Variants in WASF1 observed in about 807,000 individuals in gnomAD.
The protein encoded by WASF1 is actin-binding protein WASF1.
Under a neutral mutation model 50.5 loss-of-function variants are expected in WASF1, and 7 were observed. That is an observed-to-expected ratio of 0.14 (90% CI 0.08 to 0.26). WASF1 has a LOEUF of 0.26. Ranked by LOEUF, WASF1 falls within the 10% of genes least tolerant of loss-of-function variation. The pLI, the probability that WASF1 is intolerant of heterozygous loss-of-function variation, is 1.00. For synonymous variants in WASF1, 205 were observed against 244.0 expected (o/e 0.84, Z 1.49); for missense variants, 470 against 694.7 (o/e 0.68, Z 3.64).
chr6:110,173,122 A>G (rs1776785699), intron 2 of WASF1, among the ~76,000 whole-genome samples: 1 of 152,150 alleles, frequency 6.6e-6, no homozygotes, highest in Non-Finnish European at 1.5e-5. Flanking sequence ...CTTTTGTAGC[A>G]TAAGGTGAAA....
chr6:110,146,933 A>C (rs1412598534), intron 3 of WASF1, among the ~76,000 whole-genome samples: 1 of 152,192 alleles, frequency 6.6e-6, no homozygotes, highest in Non-Finnish European at 1.5e-5. Flanking sequence ...CACAGGACTA[A>C]AGAACTAGTC....
chr6:110,135,748 C>A (rs563963072), intron 3 of WASF1, among the ~76,000 whole-genome samples: 4,722 of 94,610 alleles, frequency 0.05, 160 homozygotes, highest in African/African-American at 0.087. Context: ...TTTTTTTTTA[C>A]CAATTACTGG....
intron 4 of WASF1, among the ~76,000 whole-genome samples, chr6:110,116,125 C>T (rs946409862): frequency 2.0e-5 from 3 of 152,146 alleles, no homozygotes; most frequent in Non-Finnish European, 4.4e-5. Flanking sequence ...ATGCAGAAGA[C>T]GGGTGATTTC....
At chr6:110,176,558 TATA>T (rs1446856852) in intron 2 of WASF1, among the ~76,000 whole-genome samples, 1 of 152,108 alleles carries the variant, frequency 6.6e-6, no homozygotes, top group Non-Finnish European at 1.5e-5. Flanking sequence ...TTTCATTAAT[TATA>T]ATGTTTGATA....
chr6:110,151,503 A>G (rs556485744), intron 3 of WASF1, among the ~76,000 whole-genome samples: 1 of 152,354 alleles, frequency 6.6e-6, no homozygotes, highest in African/African-American at 2.4e-5. Context: ...ATTCTGTAAT[A>G]TAAGAATTCT....
chr6:110,161,939 AC>A (rs1690322222), intron 2 of WASF1, among the ~76,000 whole-genome samples: 1 of 151,474 alleles, frequency 6.6e-6, no homozygotes, highest in African/African-American at 2.4e-5. Flanking sequence ...CTAACACAAA[AC>A]AAAATGGAGG....
At chr6:110,124,225 TCCTCTCTCTC>T (rs1260681245) in intron 4 of WASF1, among the ~76,000 whole-genome samples, 12 of 49,794 alleles carry the variant, frequency 2.4e-4, no homozygotes, top group African/African-American at 5.6e-4. Flanking sequence ...CTCCTCTCTC[TCCTCTCTCTC>T]CTCTCTCTCT....
At chr6:110,126,851 C>T (rs1041482173) in intron 4 of WASF1, among the ~76,000 whole-genome samples, 4 of 152,198 alleles carry the variant, frequency 2.6e-5, no homozygotes, top group Admixed American at 6.6e-5. Flanking sequence ...TCTCCCTAAT[C>T]TGCCTCTTTC....
intron 3 of WASF1, among the ~76,000 whole-genome samples, chr6:110,136,212 C>T (rs1162188305): frequency 6.6e-6 from 1 of 152,068 alleles, no homozygotes. Context: ...AATGTAATGT[C>T]CTTGAAAAGT....
intron 3 of WASF1, among the ~76,000 whole-genome samples, chr6:110,128,460 C>G (rs1260708903): frequency 6.6e-6 from 1 of 152,158 alleles, no homozygotes; most frequent in Non-Finnish European, 1.5e-5. Context: ...AAGCTCAGAT[C>G]AAATACTCCA....
chr6:110,115,199 T>A (rs147505580), intron 4 of WASF1, among the ~76,000 whole-genome samples: 2 of 150,286 alleles, frequency 1.3e-5, no homozygotes, highest in Non-Finnish European at 3.0e-5. Context: ...GATGAGAGTG[T>A]CCTATTCCAG....
chr6:110,129,878 C>T (rs900492395), intron 3 of WASF1, among the ~76,000 whole-genome samples: 22 of 152,198 alleles, frequency 1.4e-4, no homozygotes, highest in African/African-American at 4.8e-4. Context: ...AAAGAGCGTA[C>T]GTTAAAATAC....
At chr6:110,126,914 A>C (rs780584024) in intron 4 of WASF1, among the ~76,000 whole-genome samples, 3 of 152,118 alleles carry the variant, frequency 2.0e-5, no homozygotes, top group Non-Finnish European at 4.4e-5. Flanking sequence ...CCAGAGGCCA[A>C]GTTCATTTGC....
At chr6:110,114,493 T>C (rs993226440) in intron 4 of WASF1, among the ~76,000 whole-genome samples, 1 of 152,198 alleles carries the variant, frequency 6.6e-6, no homozygotes, top group Admixed American at 6.5e-5. Context: ...TTTTTGCGAA[T>C]ACCTTTTAAT....
intron 6 of WASF1, 93 bp downstream of exon 6, chr6:110,108,435 G>A (rs1333097521): frequency 3.0e-6 from 4 of 1,330,504 alleles, no homozygotes; most frequent in Non-Finnish European, 4.1e-6. Context: ...GTGTTGGCTA[G>A]AACCCCAATG....
At chr6:110,108,892 T>C (rs1030433759) in intron 5 of WASF1, among the ~76,000 whole-genome samples, 2 of 152,214 alleles carry the variant, frequency 1.3e-5, no homozygotes, top group South Asian at 4.1e-4. Flanking sequence ...AGATAGGTTT[T>C]AATTAACCTT....
chr6:110,167,792 T>C (rs1776540078), intron 2 of WASF1, among the ~76,000 whole-genome samples: 1 of 151,990 alleles, frequency 6.6e-6, no homozygotes, highest in South Asian at 2.1e-4. Flanking sequence ...TGACTTAATT[T>C]TCAATAAATC....
At chr6:110,153,372 T>C (rs1775908887) in intron 3 of WASF1, among the ~76,000 whole-genome samples, 1 of 152,090 alleles carries the variant, frequency 6.6e-6, no homozygotes, top group Admixed American at 6.6e-5. Context: ...TTATGGCAGA[T>C]AAAAATAACT....
chr6:110,143,872 T>C (rs893671434), intron 3 of WASF1, among the ~76,000 whole-genome samples: 3 of 152,214 alleles, frequency 2.0e-5, no homozygotes, highest in Admixed American at 1.3e-4. Context: ...TTGTTGGACA[T>C]TTGGGTTGGT....
Sources: allele counts gnomAD v4.1 joint callset (sites outside exome capture counted in the v4.1 genomes callset), GRCh38; gene constraint gnomAD v4.1.1; transcripts MANE v1.5; gene names NCBI Gene and HGNC (gene_info 2026-07-23, HGNC 2026-07-21).